The following B4GALNT4 variants were observed in gnomAD, a reference collection of about 807,000 sequenced individuals.
B4GALNT4 encodes the protein beta-1,4-N-acetyl-galactosaminyltransferase 4, also known as N-acetyl-beta-glucosaminyl-glycoprotein 4-beta-N-acetylgalactosaminyltransferase 1.
B4GALNT4 carries 77 observed loss-of-function variants against 110.0 expected under a neutral mutation model. The observed-to-expected ratio is 0.70, with a 90% CI of 0.58 to 0.85. B4GALNT4 has a LOEUF of 0.85. B4GALNT4 is among the 40% of genes least tolerant of loss of function. B4GALNT4 has a pLI of 0.00. For missense variants in B4GALNT4, 1,575 were observed against 1,506.0 expected (o/e 1.05, Z -0.76); for synonymous variants, 785 against 655.5 (o/e 1.20, Z -3.02).
chr11:377,500 C>T (rs1040823789), intron 14 of B4GALNT4, among the ~76,000 whole-genome samples, 173 bp downstream of exon 14: 3 of 152,280 alleles, frequency 2.0e-5, no homozygotes, highest in South Asian at 4.1e-4. Context: ...TCTCTCCTTC[C>T]TTCCTGGCGT....
At chr11:378,994 AG>A (rs1442604166) in intron 14 of B4GALNT4, among the ~76,000 whole-genome samples, 1 of 152,116 alleles carries the variant, frequency 6.6e-6, no homozygotes, top group African/African-American at 2.4e-5. Flanking sequence ...CCCCAGTATG[AG>A]GGGAAGGTTG....
Position 376,108 on chromosome 11 carries a change from C to T in B4GALNT4, c.1130C>T (p.Thr377Ile). 1 of 1,611,592 alleles carries T rather than the reference C, an allele frequency of 6.2e-7. No individual in the cohort carries two copies. Among genetic ancestry groups the T allele is most frequent in the Non-Finnish European group, 8.5e-7 (1 of 1,179,264 alleles). Reference protein sequence around the residue: ...YLSFVYPNDYTRLTHMETDNK... With the variant: ...YLSFVYPNDYIRLTHMETDNK... ...TCCTTCGTTTATCCCAACGACTACA[C>T]TCGCCTCACCCACATGGAGACGGAC... The change falls in exon 12 of 20, where the codon ACT becomes ATT. Residue 377 changes from threonine (T) to isoleucine (I), a missense_variant. Thr to Ile is a moderately conservative substitution (Grantham distance 89, BLOSUM62 -1). Transcript: ENST00000329962.
At chr11:380,783 G>C in intron 18 of B4GALNT4, 42 bp from the exon 19 acceptor site, 1 of 1,613,476 alleles carries the variant, frequency 6.2e-7, no homozygotes, top group Non-Finnish European at 8.5e-7. Context: ...GACCTTGCAG[G>C]ACCTGGTCTG....
chr11:378,253 G>A (rs531675090), intron 14 of B4GALNT4, among the ~76,000 whole-genome samples: 1 of 152,342 alleles, frequency 6.6e-6, no homozygotes, highest in Admixed American at 6.5e-5. Context: ...CCACCGGTTT[G>A]GGTGCAGACA....
chr11:373,369 G>T, intron 6 of B4GALNT4, 78 bp downstream of exon 6: 1 of 1,566,796 alleles, frequency 6.4e-7, no homozygotes, highest in South Asian at 1.1e-5. Flanking sequence ...TCTTGGGAAT[G>T]AGGACCCGAT....
chr11:372,526 G>A, intron 2 of B4GALNT4, 136 bp from the exon 3 acceptor site: 1 of 817,260 alleles, frequency 1.2e-6, no homozygotes, highest in South Asian at 1.5e-5. Context: ...GTCAGGGTTT[G>A]CATGGCTGGG....
rs781080983 is a variant in B4GALNT4, at chr11:372,147, G to T, written c.190G>T (p.Val64Phe). The change falls in exon 2 of 20, where the codon GTC (valine) becomes TTC (phenylalanine). Residue 64 changes from valine (V) to phenylalanine (F), a missense_variant. Physicochemically the swap from Val to Phe is conservative, Grantham distance 50. Coordinates refer to ENST00000329962, the MANE Select transcript of B4GALNT4 (RefSeq NM_178537.5). ...GACCAGTGAGACCGACGGCCGGGGG[G>T]TCCACGCTGCGCCATCCACACAGAG... ...KLTSETDGRG[V>F]HAAPSTQRAE... is the part of the protein sequence containing the mutation. 1 of 1,549,890 alleles carries T rather than the reference G, an allele frequency of 6.5e-7. No homozygotes were observed.
At position 381,961 on chromosome 11, in the gene B4GALNT4, AGCCTTCACGGCGGGTCAGG is replaced by A; in HGVS notation, c.*174_*192del. On this transcript the variant is annotated 3_prime_UTR_variant, in exon 20 of 20. Coordinates refer to ENST00000329962, the MANE Select transcript of B4GALNT4 (RefSeq NM_178537.5). ...GCGTCGTGCCCCTCCCCGGAGAGGC[AGCCTTCACGGCGGGTCAGG>A]GCCTGGCCTTGGTCCCCACTCTGCG... is the stretch of plus-strand genomic sequence containing the variant. 1.3e-6 allele frequency: 1 copy of A among 775,450 alleles called. No homozygotes were observed. The allele number at this position is 775,450 out of a possible 1,614,324, so 48.0% of individuals were successfully genotyped here. A position where few individuals can be genotyped will look rare whatever the true frequency, so the allele number is the denominator to read the frequency against.
intron 14 of B4GALNT4, 21 bp downstream of exon 14, chr11:377,348 G>A: frequency 1.4e-6 from 2 of 1,480,090 alleles, no homozygotes; most frequent in Admixed American, 4.6e-5. Flanking sequence ...GGCCGAACGC[G>A]CGCCAGGGCG....
At chr11:380,680 C>G in intron 18 of B4GALNT4, 145 bp from the exon 19 acceptor site, 4 of 1,402,986 alleles carry the variant, frequency 2.9e-6, no homozygotes, top group Non-Finnish European at 4.0e-6. Flanking sequence ...GGGTCATGAC[C>G]CAGTACCACC....
chr11:380,565 C>T (rs1846854422), intron 18 of B4GALNT4, 120 bp downstream of exon 18: 1 of 1,409,432 alleles, frequency 7.1e-7, no homozygotes, highest in Admixed American at 2.0e-5. Context: ...ATCAGTGCTC[C>T]CCGTAGTGCC....
rs762740587 is a variant in B4GALNT4 at position 376,147 on chromosome 11, A to T, written c.1169A>T (p.Tyr390Phe). ...THMETDNKCF[Y>F]RESPLYLERF... Reference sequence around the variant, plus strand: ...ATGGAGACGGACAACAAGTGCTTCTACCGCGAGTCTCCGCTGTATCTGGAG... The same window carrying T: ...ATGGAGACGGACAACAAGTGCTTCTTCCGCGAGTCTCCGCTGTATCTGGAG... Residue 390 changes from tyrosine to phenylalanine, a missense_variant, in exon 12 of 20, where the codon TAC becomes TTC. Transcript: ENST00000329962. The T allele has an allele frequency of 7.3e-7, 1 of 1,365,308 alleles. No homozygotes were observed. Among genetic ancestry groups the T allele is most frequent in the South Asian group, 1.1e-5 (1 of 87,758 alleles). The allele number at this position is 1,365,308 out of a possible 1,614,324, so 84.6% of individuals were successfully genotyped here.
Position 379,406 on chromosome 11 carries a change from T to A in B4GALNT4, c.2205-12T>A. 1 of 1,494,548 alleles carries A rather than the reference T, an allele frequency of 6.7e-7. No homozygotes were observed. The highest frequency in any genetic ancestry group is 8.9e-7 in the Non-Finnish European group (1 of 1,129,660). 92.6% of individuals were successfully genotyped at this position (1,494,548 alleles called of 1,614,324 possible). On this transcript the variant is annotated splice_polypyrimidine_tract_variant and intron_variant, in intron 14 of 19. Transcript: ENST00000329962. Reference sequence around the variant, plus strand: ...GGAAGCCCCAGTACCGGCTGACCGCTGAGCCTTGCAGGCGCTTCGCGCTTC... The same window carrying A: ...GGAAGCCCCAGTACCGGCTGACCGCAGAGCCTTGCAGGCGCTTCGCGCTTC...
chr11:372,742 A>G lies in B4GALNT4; in HGVS notation c.336A>G (p.Pro112=), dbSNP rs756988266. 1.5e-5 allele frequency: 22 copies of G among 1,468,902 alleles called. No homozygotes were observed. The highest frequency in any genetic ancestry group is 2.0e-5 in the Non-Finnish European group (22 of 1,102,056). 91.0% of individuals were successfully genotyped at this position (1,468,902 alleles called of 1,614,324 possible). Residue 112 remains proline (P), a synonymous_variant, in exon 3 of 20, where the codon CCA becomes CCG. Transcript: ENST00000329962. ...TGAACTTCACCCATCAGACACCCCCATGGCGGGAGGAGGTGAGCTGGCTCG... is the reference window on the plus strand; with the variant it reads ...TGAACTTCACCCATCAGACACCCCCGTGGCGGGAGGAGGTGAGCTGGCTCG... ...LPLNFTHQTP[P]WREEYKGQVN...
intron 6 of B4GALNT4, 41 bp from the exon 7 acceptor site, chr11:373,408 A>ACCCCCCCC (rs376849299): frequency 8.7e-6 from 7 of 808,734 alleles, no homozygotes; most frequent in South Asian, 4.6e-5. Flanking sequence ...GAGAGAGTGA[A>ACCCCCCCC]CCCCCCCCCC....
At position 379,464 on chromosome 11, in the gene B4GALNT4, T is replaced by C. The variant is rs1216431811; in HGVS notation, c.2251T>C (p.Ser751Pro). The C allele has an allele frequency of 1.3e-6, 2 of 1,555,530 alleles. No individual in the cohort carries two copies. Among genetic ancestry groups the C allele is most frequent in the Admixed American group, 3.9e-5 (2 of 51,846 alleles). ...CGTGAACGTGGAGAAGCGCCGGGAC[T>C]CGGCGCGAGGGAGTCGCTTCCTGCT... ...RIVNVEKRRDSARGSRFLLEL... is the reference protein window; with the variant it reads ...RIVNVEKRRDPARGSRFLLEL... The change falls in exon 15 of 20, where the codon TCG becomes CCG. Residue 751 changes from serine (S) to proline (P), a missense_variant. Coordinates refer to ENST00000329962, the MANE Select transcript of B4GALNT4 (RefSeq NM_178537.5).
intron 14 of B4GALNT4, 47 bp from the exon 15 acceptor site, chr11:379,371 G>A (rs1282653440): frequency 1.4e-6 from 2 of 1,426,076 alleles, no homozygotes; most frequent in Non-Finnish European, 1.8e-6. Context: ...TTGCGGGCGG[G>A]GTGCAGGCTG....
intron 14 of B4GALNT4, among the ~76,000 whole-genome samples, chr11:379,082 G>C (rs1487763718): frequency 6.6e-6 from 1 of 152,204 alleles, no homozygotes; most frequent in Non-Finnish European, 1.5e-5. Context: ...ATGGGCGGTG[G>C]CTAACTCCTG....
rs764867289 is a variant in B4GALNT4, at chr11:379,680, A to G, written c.2467A>G (p.Met823Val). The change falls in exon 15 of 20, where the codon ATG becomes GTG. Residue 823 changes from methionine (M) to valine (V), a missense_variant. Met to Val is a conservative substitution (Grantham distance 21). Transcript: ENST00000329962. The stretch of plus-strand genomic sequence containing the variant: ...GCGCCTGGCCTGGCGCCAGGACGTG[A>G]TGGTTCACTTCATCGTGCCAGGTTC... ...PLRLAWRQDV[M>V]VHFIVPVKNQ... The G allele has an allele frequency of 1.3e-6, 2 of 1,502,458 alleles. No homozygotes were observed. Among genetic ancestry groups the G allele is most frequent in the African/African-American group, 2.8e-5 (2 of 70,730 alleles). 93.1% of individuals were successfully genotyped at this position (1,502,458 alleles called of 1,614,324 possible).
Sources: allele counts gnomAD v4.1 joint callset (sites outside exome capture counted in the v4.1 genomes callset), GRCh38; gene constraint gnomAD v4.1.1; transcripts MANE v1.5; gene names NCBI Gene and HGNC (gene_info 2026-07-23, HGNC 2026-07-21).